Variants in STK32B observed in about 807,000 individuals in gnomAD.
STK32B encodes the protein serine/threonine kinase 32B.
Under a neutral mutation model 52.6 loss-of-function variants are expected in STK32B, and 43 were observed. The observed-to-expected ratio is 0.82, with a 90% CI of 0.64 to 1.05. The LOEUF is 1.05. STK32B is among the 50% of genes least tolerant of loss of function. The probability of loss-of-function intolerance (pLI) is 0.00; values close to 1 mark genes in which losing one functional copy is unlikely to be tolerated. For missense variants in STK32B, 621 were observed against 534.6 expected (o/e 1.16, Z -1.59); for synonymous variants, 238 against 204.3 (o/e 1.17, Z -1.41).
At chr4:5,143,117 GTCTGTCTGTCTGTCTA>G (rs1164798356) in intron 2 of STK32B, among the ~76,000 whole-genome samples, 2 of 148,648 alleles carry the variant, frequency 1.3e-5, no homozygotes, top group Non-Finnish European at 3.0e-5. Flanking sequence ...CTGTCTGTCT[GTCTGTCTGTCTGTCTA>G]TCTGTCTGTC....
chr4:5,494,503 C>G (rs1185461634), intron 11 of STK32B, among the ~76,000 whole-genome samples: 4 of 152,170 alleles, frequency 2.6e-5, no homozygotes, highest in Non-Finnish European at 2.9e-5. Flanking sequence ...GAATACAGCA[C>G]ATGGATGGCT....
intron 2 of STK32B, among the ~76,000 whole-genome samples, chr4:5,148,592 C>A (rs1369691520): frequency 6.6e-6 from 1 of 151,716 alleles, no homozygotes; most frequent in Non-Finnish European, 1.5e-5. Flanking sequence ...GGTCCAAGAA[C>A]ATACTCTACA....
chr4:5,211,135 A>T (rs1439477314), intron 3 of STK32B, among the ~76,000 whole-genome samples: 8 of 152,160 alleles, frequency 5.3e-5, no homozygotes, highest in African/African-American at 9.7e-5. Flanking sequence ...GAGTCCCGTG[A>T]ATAGTGGCAT....
At chr4:5,401,982 C>T (rs796153057) in intron 5 of STK32B, among the ~76,000 whole-genome samples, 4 of 152,214 alleles carry the variant, frequency 2.6e-5, no homozygotes, top group African/African-American at 9.7e-5. Context: ...GGCTGTCAGC[C>T]GATCCCCTCT....
intron 1 of STK32B, among the ~76,000 whole-genome samples, chr4:5,078,442 A>G (rs563335687): frequency 6.6e-6 from 1 of 152,330 alleles, no homozygotes; most frequent in East Asian, 1.9e-4. Context: ...AGGAAGCTAA[A>G]AATTCAAGTA....
chr4:5,482,259 G>A (rs368613384), intron 11 of STK32B, among the ~76,000 whole-genome samples: 10 of 151,970 alleles, frequency 6.6e-5, no homozygotes, highest in East Asian at 3.9e-4. Flanking sequence ...CTTTTATTTC[G>A]TTGAGCAGTG....
chr4:5,469,344 G>A lies in STK32B; in HGVS notation c.1106+1274G>A, dbSNP rs1717684120. Among the ~76,000 whole-genome samples the A allele has an allele frequency of 6.6e-6, 1 of 152,286 alleles. No individual in the cohort carries two copies. The highest frequency in any genetic ancestry group is 1.5e-5 in the Non-Finnish European group (1 of 68,052). On this transcript the variant is annotated intron_variant, in intron 11 of 11. Transcript: ENST00000282908. This position sits in a 1 kb window ranked among gnomAD's most constrained non-coding sequence, Gnocchi z 4.7. ...CTAAGGCCAAGGGCCACCCAGGGCA[G>A]TGCATGTCACAGCAGACACCTGGCT...
intron 3 of STK32B, among the ~76,000 whole-genome samples, chr4:5,235,018 A>C (rs1157160335): frequency 6.6e-6 from 1 of 152,230 alleles, no homozygotes; most frequent in Non-Finnish European, 1.5e-5. Flanking sequence ...TACATATGAC[A>C]GTTGAGTTCA....
intron 6 of STK32B, among the ~76,000 whole-genome samples, chr4:5,445,239 G>C (rs909083532): frequency 5.9e-5 from 9 of 152,180 alleles, no homozygotes; most frequent in Non-Finnish European, 1.2e-4. Flanking sequence ...CTGCTGGTCA[G>C]ATTCAAGTGT....
chr4:5,078,106 A>G (rs1050263531), intron 1 of STK32B, among the ~76,000 whole-genome samples: 40 of 152,100 alleles, frequency 2.6e-4, no homozygotes, highest in African/African-American at 9.2e-4. Context: ...GAGCAGGAAG[A>G]GCGTAAAGGA....
intron 1 of STK32B, among the ~76,000 whole-genome samples, chr4:5,138,338 C>T (rs1716201652): frequency 6.6e-6 from 1 of 152,188 alleles, no homozygotes; most frequent in Non-Finnish European, 1.5e-5. Context: ...TATTCATTTA[C>T]TTCCTCACAT....
chr4:5,295,285 C>T (rs1044759852), intron 3 of STK32B, among the ~76,000 whole-genome samples: 3 of 151,664 alleles, frequency 2.0e-5, no homozygotes, highest in Non-Finnish European at 4.4e-5. Context: ...GATGATGCCT[C>T]ATAAAACGAG....
chr4:5,266,032 G>T (rs1050555141), intron 3 of STK32B, among the ~76,000 whole-genome samples: 1 of 152,066 alleles, frequency 6.6e-6, no homozygotes, highest in African/African-American at 2.4e-5. Context: ...AACTTTCTAG[G>T]TATTGGTTTC....
intron 9 of STK32B, among the ~76,000 whole-genome samples, chr4:5,464,612 C>G (rs888415954): frequency 6.6e-6 from 1 of 152,216 alleles, no homozygotes. Flanking sequence ...TGATGGCCAA[C>G]AGGTCTGAGC....
intron 11 of STK32B, among the ~76,000 whole-genome samples, chr4:5,474,522 A>C (rs1718088269): frequency 6.6e-6 from 1 of 152,204 alleles, no homozygotes; most frequent in Admixed American, 6.5e-5. Flanking sequence ...TCCTTGTATT[A>C]ATCTGCAAAA....
At chr4:5,188,229 G>A (rs1720899056) in intron 3 of STK32B, among the ~76,000 whole-genome samples, 1 of 152,178 alleles carries the variant, frequency 6.6e-6, no homozygotes, top group African/African-American at 2.4e-5. Context: ...CTGTGCAGAT[G>A]GAGGCCACGA....
intron 8 of STK32B, 43 bp downstream of exon 8, chr4:5,456,966 T>C: frequency 2.8e-6 from 4 of 1,427,434 alleles, no homozygotes; most frequent in Middle Eastern, 2.1e-4. Context: ...GGAGCTACGG[T>C]GAGTGTAGAA....
chr4:5,171,133 T>C (rs1438506633), intron 3 of STK32B, among the ~76,000 whole-genome samples: 18 of 152,168 alleles, frequency 1.2e-4, no homozygotes, highest in South Asian at 2.1e-4. Context: ...TCATATCCTT[T>C]GCCCACTTTT....
chr4:5,247,394 G>T (rs1175247905), intron 3 of STK32B, among the ~76,000 whole-genome samples: 1 of 152,232 alleles, frequency 6.6e-6, no homozygotes, highest in East Asian at 1.9e-4. Flanking sequence ...ATAATCTCCT[G>T]GTGTACCGTT....
Sources: allele counts gnomAD v4.1 joint callset (sites outside exome capture counted in the v4.1 genomes callset), GRCh38; gene constraint gnomAD v4.1.1; non-coding constraint Gnocchi (gnomAD v3.1); transcripts MANE v1.5; gene names NCBI Gene and HGNC (gene_info 2026-07-23, HGNC 2026-07-21).